The following ZFP14 variants were observed in gnomAD, a reference collection of about 807,000 sequenced individuals.
ZFP14 encodes ZFP14 zinc finger protein, also known as zinc finger protein 14 homolog.
A neutral mutation model predicts 54.5 loss-of-function variants in ZFP14; 22 were observed. The ratio of observed to expected loss-of-function variants is 0.40; its 90% confidence interval spans 0.29 to 0.58. ZFP14 has a LOEUF of 0.58. ZFP14 is among the 20% of genes least tolerant of loss of function. The pLI is 0.39. For synonymous variants in ZFP14, 159 were observed against 204.0 expected (o/e 0.78, Z 1.88); for missense variants, 470 against 637.8 (o/e 0.74, Z 2.83).
intron 1 of ZFP14, among the ~76,000 whole-genome samples, chr19:36,371,431 T>A (rs1158352160): frequency 6.6e-6 from 1 of 151,846 alleles, no homozygotes; most frequent in Non-Finnish European, 1.5e-5. Context: ...AAAAATACAA[T>A]GAAGGAAATT....
intron 1 of ZFP14, among the ~76,000 whole-genome samples, chr19:36,376,410 G>A (rs1033898087): frequency 7.9e-5 from 12 of 152,114 alleles, no homozygotes; most frequent in African/African-American, 2.9e-4. Context: ...GCCAGGCATG[G>A]TGATGCATGC....
chr19:36,378,499 G>A (rs1304865129), intron 1 of ZFP14: 1 of 152,180 alleles, frequency 6.6e-6, no homozygotes, highest in Non-Finnish European at 1.5e-5. Context: ...TTCCACAGAA[G>A]AGGAAAGCAA....
intron 2 of ZFP14, among the ~76,000 whole-genome samples, chr19:36,367,183 T>C (rs12462725): frequency 0.15 from 23,003 of 151,960 alleles, 2,179 homozygotes; most frequent in Admixed American, 0.2. Flanking sequence ...ATATTATGTA[T>C]TGGGGACACC....
intron 1 of ZFP14, among the ~76,000 whole-genome samples, chr19:36,375,419 G>C (rs949604102): frequency 1.5e-5 from 2 of 135,890 alleles, no homozygotes; most frequent in Admixed American, 1.5e-4. Flanking sequence ...ACAAGGTCTT[G>C]CTTTGCCACC....
At chr19:36,365,054 T>G (rs898036861) in intron 2 of ZFP14, among the ~76,000 whole-genome samples, 37 of 132,550 alleles carry the variant, frequency 2.8e-4, no homozygotes, top group African/African-American at 1.0e-3. Context: ...CCCAGGCTGT[T>G]GCCTAGGCTG....
At chr19:36,357,661 T>C (rs940910899) in intron 4 of ZFP14, among the ~76,000 whole-genome samples, 13 of 152,196 alleles carry the variant, frequency 8.5e-5, no homozygotes, top group Non-Finnish European at 1.6e-4. Context: ...TTCTAGGACC[T>C]CTGTTGTGTT....
At position 36,379,152 on chromosome 19, in the gene ZFP14, G is replaced by A. The variant is rs939012428; in HGVS notation, c.-80+11C>T. 1 of 152,602 alleles carries A rather than the reference G, an allele frequency of 6.6e-6. No homozygotes were observed. The highest frequency in any genetic ancestry group is 1.5e-5 in the Non-Finnish European group (1 of 68,462). The allele number at this position is 152,602 out of a possible 1,614,324, so 9.5% of individuals were successfully genotyped here. A position where few individuals can be genotyped will look rare whatever the true frequency, so the allele number is the denominator to read the frequency against. Reference sequence around the variant, plus strand: ...CCGCGCCCATTGCCTCGGTGCAAGCGACCAACTCACCTCTCGGAGCCGACA... The same window carrying A: ...CCGCGCCCATTGCCTCGGTGCAAGCAACCAACTCACCTCTCGGAGCCGACA... On this transcript the variant is annotated intron_variant, in intron 1 of 4. Coordinates refer to ENST00000270001, the MANE Select transcript of ZFP14 (RefSeq NM_020917.3).
At chr19:36,342,245 ATC>A (rs2031333583) in intron 4 of ZFP14, among the ~76,000 whole-genome samples, 1 of 141,486 alleles carries the variant, frequency 7.1e-6, no homozygotes, top group Non-Finnish European at 1.5e-5. Context: ...CAGTGGCACA[ATC>A]TCGGCTCACT....
chr19:36,366,255 G>A lies in ZFP14; in HGVS notation c.9+1629C>T, dbSNP rs553823754. 4.6e-5 allele frequency among the ~76,000 whole-genome samples: 7 copies of A among 151,886 alleles called. 1 individual carries two copies. In the South Asian group the frequency reaches 1.2e-3, roughly 27 times the overall value. ...TGCACTCCAGCCTGGGCGACAGAGC[G>A]AGACTCTGTCTCAAAAAAAAAAAAT... On this transcript the variant is annotated intron_variant, in intron 2 of 4. Coordinates refer to ENST00000270001, the MANE Select transcript of ZFP14 (RefSeq NM_020917.3).
At position 36,356,115 on chromosome 19, in the gene ZFP14, G is replaced by T. The variant is rs1040092191; in HGVS notation, c.235+4320C>A. Among the ~76,000 whole-genome samples the T allele has an allele frequency of 3.6e-5, 4 of 111,896 alleles. 1 individual carries two copies. Among genetic ancestry groups the T allele is most frequent in the Non-Finnish European group, 6.1e-5 (3 of 49,188 alleles). 73.4% of individuals were successfully genotyped at this position (111,896 alleles called of 152,430 possible). On this transcript the variant is annotated intron_variant, in intron 4 of 4. Coordinates refer to ENST00000270001, the MANE Select transcript of ZFP14 (RefSeq NM_020917.3). ...GCCCCTCCCAGTGTTAACATCTTAG[G>T]TAAGTATAGCACAATATTCAAAACA...
At chr19:36,368,982 T>A (rs2031838001) in intron 1 of ZFP14, among the ~76,000 whole-genome samples, 1 of 152,156 alleles carries the variant, frequency 6.6e-6, no homozygotes, top group Non-Finnish European at 1.5e-5. Context: ...TACAGGTACA[T>A]GCCACCACGC....
chr19:36,371,121 G>A (rs1035981800), intron 1 of ZFP14, among the ~76,000 whole-genome samples: 12 of 152,100 alleles, frequency 7.9e-5, no homozygotes, highest in Non-Finnish European at 7.4e-5. Context: ...AAAATTAGGC[G>A]GGCATGCTGG....
rs35013438 is a variant in ZFP14 at position 36,335,569 on chromosome 19, T to TCACACACACACACACA, written c.*4639_*4654dup. On this transcript the variant is annotated 3_prime_UTR_variant, in exon 5 of 5. Coordinates refer to ENST00000270001, the MANE Select transcript of ZFP14 (RefSeq NM_020917.3). The stretch of plus-strand genomic sequence containing the variant: ...GTATCAGATTTTTTAAACAGGGAGT[T>TCACACACACACACACA]CACACACACACACACACACACACAT... The TCACACACACACACACA allele has an allele frequency of 1.3e-5, 2 of 148,234 alleles. No homozygotes were observed. The highest frequency in any genetic ancestry group is 4.9e-5 in the African/African-American group (2 of 40,448). 9.2% of individuals were successfully genotyped at this position (148,234 alleles called of 1,614,324 possible). A position where few individuals can be genotyped will look rare whatever the true frequency, so the allele number is the denominator to read the frequency against.
chr19:36,347,997 G>A (rs1370959041), intron 4 of ZFP14, among the ~76,000 whole-genome samples: 1 of 152,098 alleles, frequency 6.6e-6, no homozygotes, highest in East Asian at 1.9e-4. Context: ...GGTGGAGGTT[G>A]AGGTGAGCCA....
intron 2 of ZFP14, among the ~76,000 whole-genome samples, chr19:36,366,956 C>T (rs2031804176): frequency 6.6e-6 from 1 of 152,076 alleles, no homozygotes; most frequent in Admixed American, 6.6e-5. Flanking sequence ...GAGTTCAAGA[C>T]AATCCTGTCC....
At chr19:36,377,863 A>AG (rs1477611572) in intron 1 of ZFP14, among the ~76,000 whole-genome samples, 1 of 152,002 alleles carries the variant, frequency 6.6e-6, no homozygotes, top group Non-Finnish European at 1.5e-5. Context: ...ACAAAAAAAA[A>AG]CAAAACAAAA....
At chr19:36,370,099 A>C (rs997136923) in intron 1 of ZFP14, among the ~76,000 whole-genome samples, 1 of 152,210 alleles carries the variant, frequency 6.6e-6, no homozygotes, top group Non-Finnish European at 1.5e-5. Context: ...ATTATCCATC[A>C]ACAAAAATGC....
At chr19:36,345,766 A>T (rs1389994757) in intron 4 of ZFP14, among the ~76,000 whole-genome samples, 1 of 152,196 alleles carries the variant, frequency 6.6e-6, no homozygotes, top group Non-Finnish European at 1.5e-5. Context: ...TAGAACAGTA[A>T]TATTGAAAAA....
At chr19:36,348,125 C>T (rs73602375) in intron 4 of ZFP14, among the ~76,000 whole-genome samples, 5,725 of 152,114 alleles carry the variant, frequency 0.038, 332 homozygotes, top group African/African-American at 0.13. Flanking sequence ...TCTTTGGTCA[C>T]CAGATAGTCA....
Sources: allele counts gnomAD v4.1 joint callset (sites outside exome capture counted in the v4.1 genomes callset), GRCh38; gene constraint gnomAD v4.1.1; transcripts MANE v1.5; gene names NCBI Gene and HGNC (gene_info 2026-07-23, HGNC 2026-07-21).